The following F5 variants were observed in gnomAD, a reference collection of about 807,000 sequenced individuals.
F5 encodes activated protein c cofactor.
In F5, 138 loss-of-function variants were observed where a neutral mutation model predicts 216.4. The observed-to-expected ratio is 0.64, with a 90% CI of 0.56 to 0.73. The LOEUF (loss-of-function observed/expected upper bound fraction) is 0.73. Ranked by LOEUF, F5 falls within the 30% of genes least tolerant of loss-of-function variation. F5 has a pLI of 0.00. For synonymous variants in F5, 916 were observed against 930.7 expected (o/e 0.98, Z 0.29); for missense variants, 2,403 against 2,674.0 (o/e 0.90, Z 2.24).
chr1:169,519,003 GA>G (rs1417726153), intron 22 of F5, among the ~76,000 whole-genome samples: 3 of 152,074 alleles, frequency 2.0e-5, no homozygotes, highest in Non-Finnish European at 1.5e-5. Context: ...AGATACAATG[GA>G]CCCTCAGTCA....
chr1:169,528,148 G>A (rs1013245670), intron 16 of F5, 54 bp from the exon 17 acceptor site: 20 of 1,602,358 alleles, frequency 1.2e-5, no homozygotes, highest in South Asian at 9.9e-5. Context: ...CAGAGAGGGC[G>A]AGTGGTAAGG....
At chr1:169,540,030 G>A (rs1659795783) in intron 13 of F5, among the ~76,000 whole-genome samples, 1 of 152,176 alleles carries the variant, frequency 6.6e-6, no homozygotes, top group Non-Finnish European at 1.5e-5. Flanking sequence ...AACATGGGTA[G>A]TAAGAGGAGA....
At chr1:169,535,251 G>T (rs1324845000) in intron 14 of F5, among the ~76,000 whole-genome samples, 2 of 152,020 alleles carry the variant, frequency 1.3e-5, no homozygotes, top group African/African-American at 2.4e-5. Context: ...CTAAAACAAA[G>T]ATTCAGTATT....
rs1660549726 is a variant in F5, at chr1:169,564,273, T to A, written c.374-3507A>T. On this transcript the variant is annotated intron_variant, in intron 3 of 24. Transcript: ENST00000367797. ...ATGTATGTGCAGATCAGTATTCAAC[T>A]TGACAAAACCTCTCTGTAGATTCTC... is the stretch of plus-strand genomic sequence containing the variant. Among the ~76,000 whole-genome samples the A allele has an allele frequency of 5.3e-5, 8 of 152,268 alleles. 3 individuals carry two copies.
intron 15 of F5, 103 bp downstream of exon 15, chr1:169,530,683 G>A (rs1659574312): frequency 1.9e-6 from 2 of 1,077,980 alleles, no homozygotes; most frequent in Non-Finnish European, 2.9e-6. Context: ...CTCATGAAAA[G>A]CAAGACAGAC....
rs760525448 is a variant in F5 at position 169,536,577 on chromosome 1, G to A, written c.4900C>T (p.Arg1634Ter). The part of the protein sequence containing the change: ...LDSTFTKRDP[R>*]GEYEEHLGIL... The stretch of plus-strand genomic sequence containing the variant: ...CCGAGATGCTCTTCATACTCCCCTC[G>A]AGGATCACGTTTGGTAAAAGTGCTG... Residue 1634 changes from arginine to a stop codon, truncating the protein, a stop_gained, in exon 14 of 25, where the codon CGA becomes TGA. Coordinates refer to ENST00000367797, the MANE Select transcript of F5 (RefSeq NM_000130.5). LOFTEE classifies it high-confidence loss of function. 10 of 1,613,414 alleles carry A rather than the reference G, an allele frequency of 6.2e-6. No individual in the cohort carries two copies. Among genetic ancestry groups the A allele is most frequent in the African/African-American group, 1.3e-5 (1 of 74,868 alleles).
intron 13 of F5, among the ~76,000 whole-genome samples, chr1:169,536,888 G>A (rs1571570110): frequency 6.6e-6 from 1 of 152,102 alleles, no homozygotes; most frequent in East Asian, 1.9e-4. Context: ...TTATAGGTAA[G>A]TCTTCCTATG....
chr1:169,581,363 G>A (rs1283487082), intron 2 of F5, among the ~76,000 whole-genome samples: 1 of 152,088 alleles, frequency 6.6e-6, no homozygotes, highest in African/African-American at 2.4e-5. Context: ...AAGAAATGTA[G>A]AGAATGATAC....
intron 22 of F5, among the ~76,000 whole-genome samples, chr1:169,520,002 G>A (rs1044849216): frequency 5.3e-5 from 8 of 152,152 alleles, no homozygotes; most frequent in Non-Finnish European, 1.0e-4. Flanking sequence ...AGAAATAGCA[G>A]CTAACATAGA....
chr1:169,573,378 G>A (rs1660772764), intron 2 of F5, among the ~76,000 whole-genome samples: 1 of 152,204 alleles, frequency 6.6e-6, no homozygotes, highest in African/African-American at 2.4e-5. Context: ...AATAGTCTGT[G>A]TAGGGACAAG....
In F5 at chr1:169,586,390, T is replaced by A; in HGVS notation, c.-4A>T. ...GGCGTGGGCAGCCTGGGAACATGCT[T>A]CCTTTCCTGCTCCCGCTGGCTGCCA... is the stretch of plus-strand genomic sequence containing the variant. On this transcript the variant is annotated 5_prime_UTR_variant, in exon 1 of 25. Coordinates refer to ENST00000367797, the MANE Select transcript of F5 (RefSeq NM_000130.5). 1 of 1,612,156 alleles carries A rather than the reference T, an allele frequency of 6.2e-7. No individual in the cohort carries two copies. The highest frequency in any genetic ancestry group is 8.5e-7 in the Non-Finnish European group (1 of 1,179,782).
rs533938072 is a variant in F5, at chr1:169,558,522, T to C, written c.730+631A>G. Among the ~76,000 whole-genome samples, 9 of 152,320 alleles carry C rather than the reference T, an allele frequency of 5.9e-5. No homozygotes were observed. In the East Asian group the frequency reaches 1.7e-3, roughly 29 times the overall value. ...GTAAAGTGGCATTTTAATTTTTTAA[T>C]GTTTTTCCCTCAGGCTAGTATCATA... On this transcript the variant is annotated intron_variant, in intron 5 of 24. Coordinates refer to ENST00000367797, the MANE Select transcript of F5 (RefSeq NM_000130.5).
intron 10 of F5, among the ~76,000 whole-genome samples, chr1:169,548,298 G>A (rs1660063642): frequency 6.6e-6 from 1 of 151,704 alleles, no homozygotes; most frequent in Non-Finnish European, 1.5e-5. Flanking sequence ...CATGACACAT[G>A]TTTACCTATG....
intron 10 of F5, 41 bp from the exon 11 acceptor site, chr1:169,546,633 G>A (rs112535857): frequency 1.7e-5 from 27 of 1,571,030 alleles, no homozygotes; most frequent in African/African-American, 1.2e-4. Flanking sequence ...AAGAACAGAC[G>A]CATAGACCAA....
chr1:169,542,533 C>T lies in F5; in HGVS notation c.2557G>A (p.Gly853Ser), dbSNP rs371753182. ...TCTTGACTTTTGAATTCTCCAGCAC[C>T]AAGTGAAAGTAGACGTATCCCTGTG... ...DVTGIRLLSL[G>S]AGEFKSQEHA... is the part of the protein sequence containing the mutation. Residue 853 changes from glycine (G) to serine (S), a missense_variant, in exon 13 of 25, where the codon GGT becomes AGT. Coordinates refer to ENST00000367797, the MANE Select transcript of F5 (RefSeq NM_000130.5). 1.1e-5 allele frequency: 18 copies of T among 1,613,928 alleles called. No individual in the cohort carries two copies. Among genetic ancestry groups the T allele is most frequent in the African/African-American group, 5.3e-5 (4 of 74,908 alleles).
At chr1:169,548,127 G>A (rs1486092250) in intron 10 of F5, among the ~76,000 whole-genome samples, 1 of 152,154 alleles carries the variant, frequency 6.6e-6, no homozygotes, top group Non-Finnish European at 1.5e-5. Context: ...ACTTACAAGT[G>A]AAAGCTAAAT....
At chr1:169,535,463 T>A (rs796180245) in intron 14 of F5, among the ~76,000 whole-genome samples, 13 of 152,294 alleles carry the variant, frequency 8.5e-5, no homozygotes, top group African/African-American at 3.1e-4. Flanking sequence ...AGTGGTGAAG[T>A]CTAGGATTTT....
At chr1:169,565,442 A>C (rs1660577526) in intron 3 of F5, among the ~76,000 whole-genome samples, 2 of 152,114 alleles carry the variant, frequency 1.3e-5, no homozygotes, top group African/African-American at 4.8e-5. Context: ...CATGAAGAAG[A>C]TGCTCAGTGA....
Position 169,585,231 on chromosome 1 carries a change from A to C in F5, c.158+998T>G, listed in dbSNP as rs1382996672. ...TTATTATAAGACCAAGATGGTATGTAATACCCTCCAAAATAACCCAGTTAC... is the reference window on the plus strand; with the variant it reads ...TTATTATAAGACCAAGATGGTATGTCATACCCTCCAAAATAACCCAGTTAC... On this transcript the variant is annotated intron_variant, in intron 1 of 24. Transcript: ENST00000367797. 2.6e-5 allele frequency among the ~76,000 whole-genome samples: 4 copies of C among 152,332 alleles called. No homozygotes were observed. In the Middle Eastern group the frequency reaches 0.01, roughly 389 times the overall value.
Sources: allele counts gnomAD v4.1 joint callset (sites outside exome capture counted in the v4.1 genomes callset), GRCh38; gene constraint gnomAD v4.1.1; transcripts MANE v1.5; gene names NCBI Gene and HGNC (gene_info 2026-07-23, HGNC 2026-07-21).